The following TBC1D13 variants were observed in gnomAD, a reference collection of about 807,000 sequenced individuals.
The protein encoded by TBC1D13 is TBC1 domain family member 13.
TBC1D13 carries 40 observed loss-of-function variants against 53.6 expected under a neutral mutation model. That is an observed-to-expected ratio of 0.75 (90% CI 0.58 to 0.97). The LOEUF is 0.97. Among genes scored for constraint, TBC1D13 ranks in the 50% least tolerant of loss-of-function variants. The probability of loss-of-function intolerance (pLI) is 0.00; values close to 1 mark genes in which losing one functional copy is unlikely to be tolerated. For missense variants in TBC1D13, 377 were observed against 499.4 expected, an observed-to-expected ratio of 0.75 and a Z score of 2.34; for synonymous variants, 182 against 197.7, an observed-to-expected ratio of 0.92 and a Z score of 0.67.
Position 128,806,281 on chromosome 9 carries a change from G to T in TBC1D13, c.1107G>T (p.Gly369=). The T allele has an allele frequency of 6.2e-7, 1 of 1,614,140 alleles. No individual in the cohort carries two copies. The highest frequency in any genetic ancestry group is 2.2e-5 in the East Asian group (1 of 44,880). Reference sequence around the variant, plus strand: ...TGATCCGGGAGCAGTTGCTGGAAGGGGACTTCACTGTGAATATGCGGCTGC... The same window carrying T: ...TGATCCGGGAGCAGTTGCTGGAAGGTGACTTCACTGTGAATATGCGGCTGC... ...LMLIREQLLE[G]DFTVNMRLLQ... The change falls in exon 11 of 12, where the codon GGG becomes GGT. Residue 369 remains glycine (G), a synonymous_variant. Transcript: ENST00000372648.
intron 6 of TBC1D13, among the ~76,000 whole-genome samples, chr9:128,795,354 A>G (rs920022551): frequency 6.7e-6 from 1 of 150,048 alleles, no homozygotes; most frequent in African/African-American, 2.4e-5. Flanking sequence ...CTGGGATTAC[A>G]GGCACATGCC....
chr9:128,787,520 A>C (rs1829442665), intron 1 of TBC1D13, 144 bp downstream of exon 1: 415 of 849,378 alleles, frequency 4.9e-4, no homozygotes, highest in Middle Eastern at 1.0e-3. Flanking sequence ...TTCTAACCTC[A>C]TTGCCTGTGG....
At chr9:128,795,636 A>G (rs903608351) in intron 6 of TBC1D13, among the ~76,000 whole-genome samples, 3 of 151,448 alleles carry the variant, frequency 2.0e-5, no homozygotes, top group Non-Finnish European at 4.4e-5. Flanking sequence ...AATTTTTTGT[A>G]TTTTCATTAG....
chr9:128,788,662 C>G (rs1446217420), intron 2 of TBC1D13, among the ~76,000 whole-genome samples: 1 of 152,164 alleles, frequency 6.6e-6, no homozygotes, highest in Non-Finnish European at 1.5e-5. Flanking sequence ...CTAAGCTTTC[C>G]GCAGGAGGTG....
intron 6 of TBC1D13, among the ~76,000 whole-genome samples, chr9:128,795,553 C>G (rs1042993285): frequency 3.0e-5 from 4 of 131,386 alleles, no homozygotes; most frequent in African/African-American, 1.2e-4. Context: ...CTCCGCCTCC[C>G]GGGTTCACAC....
intron 6 of TBC1D13, among the ~76,000 whole-genome samples, chr9:128,793,726 C>A (rs1449589245): frequency 6.6e-6 from 1 of 152,126 alleles, no homozygotes; most frequent in African/African-American, 2.4e-5. Flanking sequence ...CTGCCTGGGA[C>A]CCCCGGCACT....
chr9:128,806,927 G>A (rs1292661848), intron 11 of TBC1D13, among the ~76,000 whole-genome samples: 2 of 151,536 alleles, frequency 1.3e-5, no homozygotes, highest in African/African-American at 2.4e-5. Flanking sequence ...CTGGGGGACA[G>A]AGCAAGACTC....
chr9:128,802,305 G>C (rs531024531), intron 7 of TBC1D13, among the ~76,000 whole-genome samples: 1 of 151,914 alleles, frequency 6.6e-6, no homozygotes, highest in Non-Finnish European at 1.5e-5. Context: ...TAATCTGCCC[G>C]TCTTGACCTC....
intron 11 of TBC1D13, among the ~76,000 whole-genome samples, chr9:128,806,710 G>T (rs1179190199): frequency 6.6e-6 from 1 of 152,034 alleles, no homozygotes; most frequent in African/African-American, 2.4e-5. Context: ...TGGGAGGCTG[G>T]GGTGGGTGGA....
Position 128,807,694 on chromosome 9 carries a change from C to T in TBC1D13, c.1138-120C>T, listed in dbSNP as rs561210149. 11 of 1,009,680 alleles carry T rather than the reference C, an allele frequency of 1.1e-5. No individual in the cohort carries two copies. In the African/African-American group the frequency reaches 1.6e-4, roughly 14 times the overall value. The allele number at this position is 1,009,680 out of a possible 1,614,324, so 62.5% of individuals were successfully genotyped here. A position where few individuals can be genotyped will look rare whatever the true frequency, so the allele number is the denominator to read the frequency against. On this transcript the variant is annotated intron_variant, in intron 11 of 11. Coordinates refer to ENST00000372648, the MANE Select transcript of TBC1D13 (RefSeq NM_018201.5). ...TGGGGAGTGTGGGATGCCTGGTGTT[C>T]TGTGCTCCTGCCCCTGAGGCCCAGG...
intron 6 of TBC1D13, among the ~76,000 whole-genome samples, chr9:128,796,622 T>C (rs1285212427): frequency 6.6e-6 from 1 of 151,996 alleles, no homozygotes; most frequent in Non-Finnish European, 1.5e-5. Flanking sequence ...TGACCTCTAG[T>C]GATTCAAAAC....
At chr9:128,796,734 T>C (rs1589569969) in intron 6 of TBC1D13, among the ~76,000 whole-genome samples, 2 of 151,776 alleles carry the variant, frequency 1.3e-5, no homozygotes, top group African/African-American at 2.4e-5. Flanking sequence ...GGTCAGGAGA[T>C]CAAGACCATC....
chr9:128,806,433 C>A, intron 11 of TBC1D13, 122 bp downstream of exon 11: 2 of 1,138,502 alleles, frequency 1.8e-6, no homozygotes, highest in Non-Finnish European at 2.6e-6. Context: ...GGATTAAAGT[C>A]CAGACCCCTG....
At chr9:128,802,568 G>C (rs985201872) in intron 7 of TBC1D13, among the ~76,000 whole-genome samples, 2 of 152,188 alleles carry the variant, frequency 1.3e-5, no homozygotes, top group South Asian at 2.1e-4. Flanking sequence ...AGGACCATTT[G>C]TTGTATTGCA....
intron 2 of TBC1D13, 83 bp from the exon 3 acceptor site, chr9:128,790,652 C>G (rs1165587625): frequency 7.5e-7 from 1 of 1,335,396 alleles, no homozygotes; most frequent in African/African-American, 1.5e-5. Context: ...CCACTCTACT[C>G]CCCGCCAGTT....
intron 7 of TBC1D13, among the ~76,000 whole-genome samples, chr9:128,799,759 C>T (rs1197623963): frequency 1.3e-5 from 2 of 152,224 alleles, no homozygotes; most frequent in African/African-American, 2.4e-5. Context: ...GCGTGGCTCA[C>T]GCTTGTAATC....
In TBC1D13 at chr9:128,787,492, G is replaced by A. The variant is rs58764872; in HGVS notation, c.23+116G>A. The A allele has an allele frequency of 2.1e-4, 231 of 1,101,690 alleles. 2 individuals are homozygous for A. In the African/African-American group the frequency reaches 3.0e-3, roughly 14 times the overall value. The allele number at this position is 1,101,690 out of a possible 1,614,324, so 68.2% of individuals were successfully genotyped here. A position where few individuals can be genotyped will look rare whatever the true frequency, so the allele number is the denominator to read the frequency against. Reference sequence around the variant, plus strand: ...GGAATCGGCAGACCCCCTCGGCAGAGGGTCTCGAGCGTCCACCTTCTAACC... The same window carrying A: ...GGAATCGGCAGACCCCCTCGGCAGAAGGTCTCGAGCGTCCACCTTCTAACC... On this transcript the variant is annotated intron_variant, in intron 1 of 11. Transcript: ENST00000372648.
Position 128,807,982 on chromosome 9 carries a change from C to T in TBC1D13, c.*103C>T. On this transcript the variant is annotated 3_prime_UTR_variant, in exon 12 of 12. Coordinates refer to ENST00000372648, the MANE Select transcript of TBC1D13 (RefSeq NM_018201.5). ...GTAGGAACCCAGCCTGAGGGGAAGC[C>T]ACAGGATCGGCCCGAGACCCAGGCC... The T allele has an allele frequency of 8.6e-7, 1 of 1,165,790 alleles. No individual in the cohort carries two copies. The highest frequency in any genetic ancestry group is 1.3e-6 in the Non-Finnish European group (1 of 791,232). The allele number at this position is 1,165,790 out of a possible 1,614,324, so 72.2% of individuals were successfully genotyped here. A position where few individuals can be genotyped will look rare whatever the true frequency, so the allele number is the denominator to read the frequency against.
At chr9:128,796,388 TACAGGCATGCACC>T (rs1295570277) in intron 6 of TBC1D13, among the ~76,000 whole-genome samples, 1 of 152,158 alleles carries the variant, frequency 6.6e-6, no homozygotes, top group Non-Finnish European at 1.5e-5. Context: ...TAGCTGGGAT[TACAGGCATGCACC>T]ACCACGCCCG....
Sources: allele counts gnomAD v4.1 joint callset (sites outside exome capture counted in the v4.1 genomes callset), GRCh38; gene constraint gnomAD v4.1.1; transcripts MANE v1.5; gene names NCBI Gene and HGNC (gene_info 2026-07-23, HGNC 2026-07-21).